The following KCNIP4 variants were observed in gnomAD, a reference collection of about 807,000 sequenced individuals.
KCNIP4 encodes the protein Kv channel-interacting protein 4.
A neutral mutation model predicts 34.0 loss-of-function variants in KCNIP4; 12 were observed. That is an observed-to-expected ratio of 0.35 (90% CI 0.23 to 0.57). The LOEUF is 0.57. KCNIP4 is among the 20% of genes least tolerant of loss of function. The probability of loss-of-function intolerance (pLI) is 0.83; values close to 1 mark genes in which losing one functional copy is unlikely to be tolerated. For missense variants in KCNIP4, 238 were observed against 311.7 expected, an observed-to-expected ratio of 0.76 and a Z score of 1.78; for synonymous variants, 124 against 102.2, an observed-to-expected ratio of 1.21 and a Z score of -1.29.
intron 1 of KCNIP4, among the ~76,000 whole-genome samples, chr4:21,423,440 G>A (rs1725661714): frequency 6.6e-6 from 1 of 152,088 alleles, no homozygotes; most frequent in Non-Finnish European, 1.5e-5. Flanking sequence ...TCCTGATAAG[G>A]CTCATTTTTT....
chr4:21,247,954 CAT>C lies in KCNIP4; in HGVS notation c.62-365247_62-365246del, dbSNP rs1157125967. Among the ~76,000 whole-genome samples the C allele has an allele frequency of 7.6e-5, 10 of 131,380 alleles. 1 individual carries two copies. The highest frequency in any genetic ancestry group is 2.8e-4 in the African/African-American group (9 of 31,842). 86.2% of individuals were successfully genotyped at this position (131,380 alleles called of 152,430 possible). On this transcript the variant is annotated intron_variant, in intron 1 of 8. Coordinates refer to ENST00000382152, the MANE Select transcript of KCNIP4 (RefSeq NM_025221.6). ...ATACACACATATATATATACACACA[CAT>C]ATATATATACACACACATATATATA...
chr4:21,536,660 A>C (rs898868544), intron 1 of KCNIP4, among the ~76,000 whole-genome samples: 1 of 152,026 alleles, frequency 6.6e-6, no homozygotes, highest in Non-Finnish European at 1.5e-5. Context: ...GCGTATCTGT[A>C]ATCTCAGCTA....
chr4:20,884,178 C>T (rs973060788), intron 1 of KCNIP4, among the ~76,000 whole-genome samples: 16 of 152,128 alleles, frequency 1.1e-4, no homozygotes, highest in Admixed American at 1.0e-3. Context: ...CTAAAGAAGA[C>T]TTGATTCATT....
At chr4:21,342,858 A>G (rs985012686) in intron 1 of KCNIP4, among the ~76,000 whole-genome samples, 2 of 152,154 alleles carry the variant, frequency 1.3e-5, no homozygotes, top group South Asian at 2.1e-4. Flanking sequence ...CTCAAAACAC[A>G]TCATTCTCTG....
intron 1 of KCNIP4, among the ~76,000 whole-genome samples, chr4:21,460,932 T>G (rs2109774491): frequency 6.6e-6 from 1 of 152,182 alleles, no homozygotes; most frequent in Non-Finnish European, 1.5e-5. Flanking sequence ...CACAAATTAT[T>G]TATTGATTGT....
chr4:21,118,864 C>A (rs557563329), intron 1 of KCNIP4, among the ~76,000 whole-genome samples: 1 of 152,166 alleles, frequency 6.6e-6, no homozygotes, highest in Non-Finnish European at 1.5e-5. Context: ...AGAGGCTTGA[C>A]TTCTTGCCAG....
At chr4:21,544,137 A>T (rs1445039616) in intron 1 of KCNIP4, among the ~76,000 whole-genome samples, 1 of 151,700 alleles carries the variant, frequency 6.6e-6, no homozygotes, top group Non-Finnish European at 1.5e-5. Flanking sequence ...GCATGAATAA[A>T]CTCTTCAAAC....
chr4:21,001,732 A>G (rs996768034), intron 1 of KCNIP4, among the ~76,000 whole-genome samples: 9 of 152,202 alleles, frequency 5.9e-5, no homozygotes, highest in African/African-American at 2.2e-4. Flanking sequence ...TTAGGTGTAT[A>G]TTATCTGCAC....
At chr4:21,138,322 ATTG>A (rs990213594) in intron 1 of KCNIP4, among the ~76,000 whole-genome samples, 1 of 151,898 alleles carries the variant, frequency 6.6e-6, no homozygotes, top group African/African-American at 2.4e-5. Context: ...TATTTTTCTT[ATTG>A]TACTTATACC....
chr4:21,406,767 G>T (rs1560375286), intron 1 of KCNIP4, among the ~76,000 whole-genome samples: 1 of 152,116 alleles, frequency 6.6e-6, no homozygotes, highest in Non-Finnish European at 1.5e-5. Flanking sequence ...GATGAGCAAA[G>T]TTAGCCTGTA....
intron 1 of KCNIP4, among the ~76,000 whole-genome samples, chr4:21,400,563 CTCTTCTCT>C (rs1723458484): frequency 1.7e-5 from 1 of 58,606 alleles, no homozygotes; most frequent in South Asian, 4.4e-4. Flanking sequence ...CTCTTCTCTT[CTCTTCTCT>C]TCTCTTCGTT....
chr4:21,279,930 G>A lies in KCNIP4; in HGVS notation c.62-397221C>T, dbSNP rs140827812. Among the ~76,000 whole-genome samples the A allele has an allele frequency of 2.5e-3, 381 of 152,150 alleles. 1 individual carries two copies. The highest frequency in any genetic ancestry group is 6.6e-3 in the East Asian group (34 of 5,180). Reference sequence around the variant, plus strand: ...CTTTACTATTAAAAGAGTTCATTTCGCCATCATTCCTAGCACTAGCAAATT... The same window carrying A: ...CTTTACTATTAAAAGAGTTCATTTCACCATCATTCCTAGCACTAGCAAATT... On this transcript the variant is annotated intron_variant, in intron 1 of 8. Coordinates refer to ENST00000382152, the MANE Select transcript of KCNIP4 (RefSeq NM_025221.6).
At chr4:21,216,967 CT>C (rs1757630100) in intron 1 of KCNIP4, among the ~76,000 whole-genome samples, 1 of 152,174 alleles carries the variant, frequency 6.6e-6, no homozygotes, top group South Asian at 2.1e-4. Flanking sequence ...GTAATAATTA[CT>C]GTACTCTGAA....
At chr4:21,711,408 G>A (rs937465375) in intron 1 of KCNIP4, among the ~76,000 whole-genome samples, 3 of 152,098 alleles carry the variant, frequency 2.0e-5, no homozygotes, top group Admixed American at 1.3e-4. Context: ...GGAGGTGGAG[G>A]TTGCAGTGAA....
intron 1 of KCNIP4, among the ~76,000 whole-genome samples, chr4:21,739,088 G>T (rs1290940670): frequency 6.6e-6 from 1 of 152,068 alleles, no homozygotes; most frequent in Non-Finnish European, 1.5e-5. Context: ...ACATTTTGCT[G>T]AGAAAAGGAA....
chr4:21,177,471 G>A (rs1467749368), intron 1 of KCNIP4, among the ~76,000 whole-genome samples: 2 of 151,980 alleles, frequency 1.3e-5, no homozygotes, highest in Admixed American at 6.6e-5. Context: ...TCATAGCAGG[G>A]CTCAAAACAT....
chr4:21,432,726 C>G (rs1360125846), intron 1 of KCNIP4, among the ~76,000 whole-genome samples: 1 of 152,026 alleles, frequency 6.6e-6, no homozygotes, highest in Non-Finnish European at 1.5e-5. Context: ...ATCAATAGCT[C>G]CATCAATGTG....
chr4:21,710,079 T>C (rs529422351), intron 1 of KCNIP4, among the ~76,000 whole-genome samples: 32 of 152,352 alleles, frequency 2.1e-4, no homozygotes, highest in Non-Finnish European at 4.1e-4. Flanking sequence ...GCTGTCATTC[T>C]TCCCAAATTA....
chr4:20,950,912 A>G (rs777178773), intron 1 of KCNIP4, among the ~76,000 whole-genome samples: 30 of 152,106 alleles, frequency 2.0e-4, no homozygotes, highest in South Asian at 4.1e-4. Context: ...GCTCTTTCAC[A>G]GAATACCACT....
Sources: allele counts gnomAD v4.1 joint callset (sites outside exome capture counted in the v4.1 genomes callset), GRCh38; gene constraint gnomAD v4.1.1; transcripts MANE v1.5; gene names NCBI Gene and HGNC (gene_info 2026-07-23, HGNC 2026-07-21).